ABRAXAS1: variants seen among roughly 807,000 people sequenced by gnomAD.
ABRAXAS1 encodes the protein abraxas 1, BRCA1 A complex subunit, also known as BRCA1-A complex subunit Abraxas 1.
Under a neutral mutation model 38.4 loss-of-function variants are expected in ABRAXAS1, and 26 were observed. The ratio of observed to expected loss-of-function variants is 0.68; its 90% CI spans 0.50 to 0.94. ABRAXAS1 has a LOEUF of 0.94. Ranked by LOEUF, ABRAXAS1 falls within the 40% of genes least tolerant of loss-of-function variation. The pLI is 0.00. For missense variants in ABRAXAS1, 438 were observed against 481.9 expected, an observed-to-expected ratio of 0.91 and a Z score of 0.85; for synonymous variants, 144 against 165.5, an observed-to-expected ratio of 0.87 and a Z score of 1.00.
intron 4 of ABRAXAS1, among the ~76,000 whole-genome samples, chr4:83,471,638 C>CA (rs1286065514): frequency 6.6e-6 from 1 of 152,090 alleles, no homozygotes; most frequent in East Asian, 1.9e-4. Flanking sequence ...TAACCAAACA[C>CA]AAAGTATGTT....
intron 2 of ABRAXAS1, chr4:83,477,790 A>C: frequency 4.0e-6 from 3 of 754,416 alleles, no homozygotes; most frequent in Non-Finnish European, 4.8e-6. Flanking sequence ...TGCAAAGACA[A>C]GCATCATATG....
At chr4:83,477,502 G>T (rs568105037) in intron 2 of ABRAXAS1, 2 of 388,454 alleles carry the variant, frequency 5.1e-6, no homozygotes, top group East Asian at 1.3e-4. Context: ...CAGTTTCCCA[G>T]TCATCTGATG....
At chr4:83,470,499 AT>A in intron 4 of ABRAXAS1, 103 bp from the exon 5 acceptor site, 1 of 796,944 alleles carries the variant, frequency 1.3e-6, no homozygotes, top group Non-Finnish European at 1.9e-6. Context: ...CTTTCTTAAT[AT>A]TTAGAAAGAT....
intron 5 of ABRAXAS1, 113 bp from the exon 6 acceptor site, chr4:83,469,264 A>C: frequency 2.3e-6 from 2 of 886,918 alleles, no homozygotes; most frequent in Non-Finnish European, 3.6e-6. Context: ...CACCCCCCAA[A>C]ACCCATTCTT....
intron 5 of ABRAXAS1, chr4:83,469,597 A>C (rs1722505788): frequency 5.7e-6 from 1 of 175,962 alleles, no homozygotes; most frequent in Non-Finnish European, 1.2e-5. Flanking sequence ...GGCCCAGATG[A>C]CATGTAAAGC....
At chr4:83,482,965 A>G (rs1032299557) in intron 1 of ABRAXAS1, among the ~76,000 whole-genome samples, 2 of 152,354 alleles carry the variant, frequency 1.3e-5, no homozygotes, top group Admixed American at 6.5e-5. Flanking sequence ...TCAAAGATAA[A>G]TAAGAACGAG....
chr4:83,477,012 C>T (rs778355181), intron 2 of ABRAXAS1, among the ~76,000 whole-genome samples: 7 of 152,122 alleles, frequency 4.6e-5, no homozygotes, highest in South Asian at 2.1e-4. Context: ...ACATTTTCAC[C>T]GAGTTCTAAA....
intron 6 of ABRAXAS1, among the ~76,000 whole-genome samples, chr4:83,467,896 GTTACCT>G (rs1460588181): frequency 6.6e-6 from 1 of 152,048 alleles, no homozygotes; most frequent in African/African-American, 2.4e-5. Flanking sequence ...CTGAATTCAA[GTTACCT>G]TTACTTGAAA....
intron 7 of ABRAXAS1, among the ~76,000 whole-genome samples, chr4:83,466,264 C>A (rs1328066677): frequency 6.6e-6 from 1 of 152,152 alleles, no homozygotes; most frequent in African/African-American, 2.4e-5. Context: ...TTCTTTCTTC[C>A]TCTTCTTTAT....
chr4:83,478,045 T>A, intron 2 of ABRAXAS1: 1 of 995,766 alleles, frequency 1.0e-6, no homozygotes, highest in South Asian at 1.3e-5. Flanking sequence ...TGTGGAGGAG[T>A]GTGGTTCCAA....
Position 83,462,741 on chromosome 4 carries a change from C to T in ABRAXAS1, c.958G>A (p.Val320Ile), listed in dbSNP as rs2110033143. 1 of 1,613,878 alleles carries T rather than the reference C, an allele frequency of 6.2e-7. No homozygotes were observed. ...SCNYNHHLDV[V>I]DNLTLMVEHT... ...TCTACCATTAAGGTCAGATTGTCTA[C>T]TACATCGAGATGGTGGTTGTAGTTA... Residue 320 changes from valine to isoleucine, a missense_variant, in exon 9 of 9, where the codon GTA (valine) becomes ATA (isoleucine). By Grantham distance (29) the Val-to-Ile change is conservative (BLOSUM62 3). Transcript: ENST00000321945.
chr4:83,477,289 A>C (rs1722812456), intron 2 of ABRAXAS1, among the ~76,000 whole-genome samples: 1 of 152,172 alleles, frequency 6.6e-6, no homozygotes, highest in African/African-American at 2.4e-5. Context: ...GCGGCACGCT[A>C]ATTTCAATTA....
At chr4:83,478,896 A>G (rs955639951) in intron 2 of ABRAXAS1, 2 of 152,400 alleles carry the variant, frequency 1.3e-5, no homozygotes, top group African/African-American at 2.4e-5. Flanking sequence ...AGTTTCCTTA[A>G]GTAATGTGAT....
intron 4 of ABRAXAS1, among the ~76,000 whole-genome samples, chr4:83,471,261 T>C (rs1221888310): frequency 7.4e-6 from 1 of 135,656 alleles, no homozygotes; most frequent in African/African-American, 2.8e-5. Flanking sequence ...TGGAGTGCAA[T>C]GGCACGATCT....
rs559692768 is a variant in ABRAXAS1 at position 83,481,080 on chromosome 4, C to T, written c.178+1074G>A. On this transcript the variant is annotated intron_variant, in intron 2 of 8. Transcript: ENST00000321945. ...CTGGGAGGCGGAGGTTGCAGTGAGC[C>T]GGGATTGCGCCACTGCACTCCAGCC... Among the ~76,000 whole-genome samples the T allele has an allele frequency of 2.0e-4, 30 of 151,498 alleles. No homozygotes were observed. The East Asian group carries it at 2.5e-3, about 13-fold the overall frequency.
intron 3 of ABRAXAS1, among the ~76,000 whole-genome samples, chr4:83,473,015 A>G (rs1430076931): frequency 1.3e-5 from 2 of 152,200 alleles, no homozygotes; most frequent in Non-Finnish European, 2.9e-5. Flanking sequence ...ATGGTGGCTC[A>G]TACTTGTAAT....
At chr4:83,484,234 G>C (rs1186593824) in intron 1 of ABRAXAS1, 2 of 982,112 alleles carry the variant, frequency 2.0e-6, no homozygotes, top group African/African-American at 1.8e-5. Flanking sequence ...AAATTACTAG[G>C]CATTGTTCAG....
In ABRAXAS1 at chr4:83,461,066, T is replaced by G; in HGVS notation, c.*1403A>C. 6.2e-7 allele frequency: 1 copy of G among 1,611,788 alleles called. No individual in the cohort carries two copies. The highest frequency in any genetic ancestry group is 8.5e-7 in the Non-Finnish European group (1 of 1,178,004). ...GAATACCTCAACAACTGAATTGAGC[T>G]AGCTGAAATTTTGCTCATTATGTTT... On this transcript the variant is annotated 3_prime_UTR_variant, in exon 9 of 9. Coordinates refer to ENST00000321945, the MANE Select transcript of ABRAXAS1 (RefSeq NM_139076.3).
chr4:83,483,889 A>G (rs1363653228), intron 1 of ABRAXAS1: 1 of 456,960 alleles, frequency 2.2e-6, no homozygotes, highest in Non-Finnish European at 2.9e-6. Context: ...AGGTATTCCA[A>G]AATAATTTCC....
Sources: allele counts gnomAD v4.1 joint callset (sites outside exome capture counted in the v4.1 genomes callset), GRCh38; gene constraint gnomAD v4.1.1; transcripts MANE v1.5; gene names NCBI Gene and HGNC (gene_info 2026-07-23, HGNC 2026-07-21).